Variants in LGR6 observed in about 807,000 individuals in gnomAD.
LGR6 encodes leucine-rich repeat-containing G protein-coupled receptor 6.
In LGR6, 45 loss-of-function variants were observed where a neutral mutation model predicts 69.4. The observed-to-expected ratio is 0.65, with a 90% CI of 0.51 to 0.83. LGR6 has a LOEUF of 0.83. Ranked by LOEUF, LGR6 falls within the 40% of genes least tolerant of loss-of-function variation. The pLI is 0.00. For synonymous variants in LGR6, 538 were observed against 555.0 expected, an observed-to-expected ratio of 0.97 and a Z score of 0.43; for missense variants, 1,108 against 1,246.7, an observed-to-expected ratio of 0.89 and a Z score of 1.68.
chr1:202,209,439 T>A (rs943631109), intron 1 of LGR6, among the ~76,000 whole-genome samples: 7 of 152,132 alleles, frequency 4.6e-5, no homozygotes, highest in African/African-American at 1.7e-4. Flanking sequence ...AACATCTTTG[T>A]GAGAAATAGA....
chr1:202,282,507 C>T (rs1666087451), intron 6 of LGR6, among the ~76,000 whole-genome samples: 2 of 152,106 alleles, frequency 1.3e-5, no homozygotes, highest in South Asian at 4.1e-4. Flanking sequence ...TGCTCATTAC[C>T]CTGCAAAAGC....
At chr1:202,251,264 A>G (rs192280899) in intron 4 of LGR6, among the ~76,000 whole-genome samples, 5 of 152,292 alleles carry the variant, frequency 3.3e-5, no homozygotes, top group South Asian at 2.1e-4. Flanking sequence ...GCACGCTCGT[A>G]TGTGGATCAC....
intron 1 of LGR6, chr1:202,194,486 A>ACCCT: frequency 1.5e-6 from 1 of 667,846 alleles, no homozygotes; most frequent in Non-Finnish European, 2.8e-6. Context: ...TGGGTTCTGG[A>ACCCT]CCCTGAGCGG....
At chr1:202,229,180 T>G (rs1232432824) in intron 3 of LGR6, among the ~76,000 whole-genome samples, 1 of 152,176 alleles carries the variant, frequency 6.6e-6, no homozygotes, top group Non-Finnish European at 1.5e-5. Flanking sequence ...TTTCCCTGTG[T>G]TGTTCGTCTC....
At chr1:202,315,518 G>A (rs1011943471) in intron 17 of LGR6, among the ~76,000 whole-genome samples, 1 of 152,258 alleles carries the variant, frequency 6.6e-6, no homozygotes, top group African/African-American at 2.4e-5. Flanking sequence ...TTAGAGTGAG[G>A]AAGTCCCTTC....
intron 16 of LGR6, among the ~76,000 whole-genome samples, chr1:202,313,844 G>A (rs139648870): frequency 1.2e-4 from 19 of 152,250 alleles, no homozygotes; most frequent in African/African-American, 4.3e-4. Flanking sequence ...TTTATGCTAG[G>A]AACATTCAAA....
At chr1:202,296,185 G>T (rs1667147196) in intron 6 of LGR6, among the ~76,000 whole-genome samples, 2 of 152,084 alleles carry the variant, frequency 1.3e-5, no homozygotes, top group South Asian at 4.1e-4. Context: ...AGGCTGAGAA[G>T]GTGGGCTGGG....
intron 1 of LGR6, among the ~76,000 whole-genome samples, chr1:202,206,533 G>T (rs1380399723): frequency 6.6e-6 from 1 of 151,946 alleles, no homozygotes; most frequent in African/African-American, 2.4e-5. Flanking sequence ...TATTTTTTTC[G>T]GTTGTGTGTG....
intron 7 of LGR6, 93 bp downstream of exon 7, chr1:202,297,669 C>A: frequency 2.1e-6 from 2 of 965,112 alleles, no homozygotes; most frequent in Non-Finnish European, 3.2e-6. Flanking sequence ...TACCTCCTCA[C>A]CTCCCATGGT....
At position 202,309,136 on chromosome 1, in the gene LGR6, C is replaced by G. The variant is rs1033386219; in HGVS notation, c.1366C>G (p.Leu456Val). Residue 456 changes from leucine (L) to valine (V), a missense_variant, in exon 15 of 18, where the codon CTC becomes GTC. Coordinates refer to ENST00000367278, the MANE Select transcript of LGR6 (RefSeq NM_001017403.2). ...MHLKLKGNLA[L>V]SQAFSKDSFP... ...TCTGAAGCTCAAAGGGAACCTTGCT[C>G]TCTCCCAGGCCTTCTCCAAGGACAG... is the stretch of plus-strand genomic sequence containing the variant. 17 of 1,614,086 alleles carry G rather than the reference C, an allele frequency of 1.1e-5. No individual in the cohort carries two copies. Among genetic ancestry groups the G allele is most frequent in the East Asian group, 2.2e-5 (1 of 44,884 alleles).
intron 6 of LGR6, among the ~76,000 whole-genome samples, chr1:202,290,648 G>A (rs928122120): frequency 7.2e-5 from 11 of 152,144 alleles, no homozygotes; most frequent in African/African-American, 2.4e-4. Context: ...TGAGGTGGGC[G>A]GATCGCCTGA....
rs1290764731 is a variant in LGR6, at chr1:202,268,578, C to A, written c.429-7728C>A. 6.6e-6 allele frequency among the ~76,000 whole-genome samples: 1 copy of A among 152,032 alleles called. No homozygotes were observed. Among genetic ancestry groups the A allele is most frequent in the Non-Finnish European group, 1.5e-5 (1 of 68,016 alleles). ...TCTCTATTCTCTCCCTTCCTGTGTT[C>A]AACTGAAAGTCAGCTATGTAGCCAA... On this transcript the variant is annotated intron_variant, in intron 4 of 17. Coordinates refer to ENST00000367278, the MANE Select transcript of LGR6 (RefSeq NM_001017403.2). The surrounding 1 kb of genome is among the most constrained non-coding windows in gnomAD (Gnocchi z 4.4).
chr1:202,237,655 T>G (rs1661696167), intron 4 of LGR6, among the ~76,000 whole-genome samples: 1 of 152,248 alleles, frequency 6.6e-6, no homozygotes, highest in Admixed American at 6.5e-5. Context: ...GCAGCCCTTG[T>G]GGCTGGGAGA....
At chr1:202,271,895 C>G (rs922100455) in intron 4 of LGR6, among the ~76,000 whole-genome samples, 1 of 151,934 alleles carries the variant, frequency 6.6e-6, no homozygotes, top group Non-Finnish European at 1.5e-5. Flanking sequence ...GCTGCCTCCT[C>G]CACTCCCCTC....
At chr1:202,278,571 C>T (rs1416066565) in intron 5 of LGR6, among the ~76,000 whole-genome samples, 1 of 152,056 alleles carries the variant, frequency 6.6e-6, no homozygotes, top group Admixed American at 6.5e-5. Context: ...CTGCCTCCAA[C>T]TCATGGGATG....
chr1:202,277,404 C>T (rs1665657441), intron 5 of LGR6, among the ~76,000 whole-genome samples: 1 of 148,990 alleles, frequency 6.7e-6, no homozygotes. Context: ...TCCTTGTGGA[C>T]TATATTCTTC....
intron 14 of LGR6, 76 bp from the exon 15 acceptor site, chr1:202,308,975 G>T (rs905112556): frequency 1.5e-5 from 24 of 1,560,936 alleles, no homozygotes; most frequent in Admixed American, 3.4e-5. Flanking sequence ...AGGCACACTG[G>T]CCACATTCTC....
rs547251151 is a variant in LGR6, at chr1:202,294,093, C to T, written c.717-3415C>T. Among the ~76,000 whole-genome samples the T allele has an allele frequency of 2.0e-5, 3 of 152,272 alleles. No individual in the cohort carries two copies. In the South Asian group the frequency reaches 6.2e-4, roughly 32 times the overall value. ...AACCTCAAAATCTTAAGGACGTTCC[C>T]CCAAATACTGTAGATTCTCTTAAGA... On this transcript the variant is annotated intron_variant, in intron 6 of 17. Transcript: ENST00000367278.
intron 1 of LGR6, among the ~76,000 whole-genome samples, chr1:202,200,668 A>G (rs1006817633): frequency 6.6e-6 from 1 of 152,172 alleles, no homozygotes; most frequent in Non-Finnish European, 1.5e-5. Flanking sequence ...TCCCCTTTGT[A>G]CTAACTAGTC....
Sources: gnomAD v4.1 joint callset for allele counts (sites outside exome capture counted in the v4.1 genomes callset) on GRCh38, gnomAD v4.1.1 for gene constraint, Gnocchi (gnomAD v3.1) non-coding constraint, MANE v1.5 for transcripts, NCBI Gene and HGNC (gene_info 2026-07-23, HGNC 2026-07-21) for gene names.